GALNT18: variants seen among roughly 807,000 people sequenced by gnomAD.
GALNT18 encodes the protein polypeptide N-acetylgalactosaminyltransferase 18, also known as GalNAc-transferase 18.
A neutral mutation model predicts 69.5 loss-of-function variants in GALNT18; 44 were observed. The ratio of observed to expected loss-of-function variants is 0.63; its 90% confidence interval spans 0.50 to 0.81. The LOEUF (loss-of-function observed/expected upper bound fraction) is 0.81. GALNT18 is among the 40% of genes least tolerant of loss of function. The probability of loss-of-function intolerance (pLI) is 0.00; values close to 1 mark genes in which losing one functional copy is unlikely to be tolerated. For missense variants in GALNT18, 715 were observed against 810.0 expected (o/e 0.88, Z 1.42); for synonymous variants, 364 against 318.2 (o/e 1.14, Z -1.53).
chr11:11,288,308 C>T (rs1206166935), intron 10 of GALNT18, among the ~76,000 whole-genome samples: 1 of 152,150 alleles, frequency 6.6e-6, no homozygotes, highest in Non-Finnish European at 1.5e-5. Flanking sequence ...CTAAAATATG[C>T]TCAGCTATTT....
At chr11:11,418,626 G>A (rs754437522) in intron 3 of GALNT18, among the ~76,000 whole-genome samples, 1 of 152,180 alleles carries the variant, frequency 6.6e-6, no homozygotes, top group Non-Finnish European at 1.5e-5. Flanking sequence ...TGTGTGCTTT[G>A]CTTATTTGAG....
intron 10 of GALNT18, among the ~76,000 whole-genome samples, chr11:11,277,611 T>G (rs935136876): frequency 3.3e-5 from 5 of 152,208 alleles, no homozygotes; most frequent in African/African-American, 1.2e-4. Flanking sequence ...ATTTTAGATC[T>G]TTCCTGCTTT....
chr11:11,280,367 C>T (rs542423994), intron 10 of GALNT18, among the ~76,000 whole-genome samples: 36 of 152,276 alleles, frequency 2.4e-4, no homozygotes, highest in African/African-American at 8.7e-4. Context: ...TGCCTAATGG[C>T]CTCTGTGGCC....
intron 3 of GALNT18, among the ~76,000 whole-genome samples, chr11:11,384,030 C>G (rs1853990120): frequency 6.6e-6 from 1 of 152,010 alleles, no homozygotes; most frequent in South Asian, 2.1e-4. Flanking sequence ...TAGACTAATA[C>G]ACTTACTATT....
chr11:11,530,329 C>T (rs1429356398), intron 1 of GALNT18, among the ~76,000 whole-genome samples: 2 of 152,188 alleles, frequency 1.3e-5, no homozygotes, highest in African/African-American at 4.8e-5. Flanking sequence ...CAGTCCTCTT[C>T]CCTGGGCTGC....
chr11:11,504,072 G>A (rs1327232094), intron 1 of GALNT18, among the ~76,000 whole-genome samples: 1 of 152,212 alleles, frequency 6.6e-6, no homozygotes, highest in South Asian at 2.1e-4. Flanking sequence ...CACTGAATAG[G>A]TTTCCTTCTA....
chr11:11,333,203 TGA>T (rs1390209912), intron 7 of GALNT18, among the ~76,000 whole-genome samples: 1 of 151,302 alleles, frequency 6.6e-6, no homozygotes, highest in African/African-American at 2.4e-5. Flanking sequence ...AGCTTTAAGG[TGA>T]GAGAGAGGGG....
intron 8 of GALNT18, among the ~76,000 whole-genome samples, chr11:11,331,415 G>A (rs578049955): frequency 1.3e-5 from 2 of 152,256 alleles, no homozygotes; most frequent in South Asian, 4.1e-4. Context: ...TGGAATCCTA[G>A]GATGTATATG....
At chr11:11,333,104 G>C in intron 7 of GALNT18, among the ~76,000 whole-genome samples, 1 of 128,014 alleles carries the variant, frequency 7.8e-6, no homozygotes, top group Non-Finnish European at 1.8e-5. Flanking sequence ...AAAAAAAAAA[G>C]CTATAGTCTG....
At chr11:11,493,267 C>CA (rs142149447) in intron 1 of GALNT18, among the ~76,000 whole-genome samples, 15 of 71,336 alleles carry the variant, frequency 2.1e-4, no homozygotes, top group African/African-American at 6.9e-4. Context: ...TCCTTCATCT[C>CA]AAAAAAAAAA....
chr11:11,377,219 C>T lies in GALNT18; in HGVS notation c.940G>A (p.Ala314Thr). 6.2e-7 allele frequency: 1 copy of T among 1,613,602 alleles called. No individual in the cohort carries two copies. Among genetic ancestry groups the T allele is most frequent in the Non-Finnish European group, 8.5e-7 (1 of 1,180,020 alleles). The change falls in exon 5 of 11, where the codon GCC (alanine) becomes ACC (threonine). Residue 314 changes from alanine to threonine, a missense_variant. Coordinates refer to ENST00000227756, the MANE Select transcript of GALNT18 (RefSeq NM_198516.3). The surrounding 1 kb of genome is among the most constrained non-coding windows in gnomAD (Gnocchi z 4.6). ...LWCRYLNPPK[A>T]WWKLENSTAP... ...GTGGAGTTCTCCAGCTTCCACCAGG[C>T]CTTGGGGGGATTTAGGTAGCGGCAC...
At chr11:11,311,589 G>A (rs1475953611) in intron 9 of GALNT18, among the ~76,000 whole-genome samples, 4 of 152,144 alleles carry the variant, frequency 2.6e-5, no homozygotes, top group Admixed American at 1.3e-4. Context: ...GCATGACTTG[G>A]TGGCAGGAGA....
At chr11:11,441,277 T>A (rs1160394145) in intron 2 of GALNT18, among the ~76,000 whole-genome samples, 1 of 152,174 alleles carries the variant, frequency 6.6e-6, no homozygotes, top group Non-Finnish European at 1.5e-5. Flanking sequence ...AGTTAAAGAG[T>A]AATTCCCCTT....
intron 10 of GALNT18, among the ~76,000 whole-genome samples, chr11:11,272,011 ACTGTCTGAG>A (rs1848838017): frequency 6.6e-6 from 1 of 151,448 alleles, no homozygotes; most frequent in Non-Finnish European, 1.5e-5. Context: ...GGCAGCCTGG[ACTGTCTGAG>A]CATCTCTGAG....
intron 8 of GALNT18, among the ~76,000 whole-genome samples, chr11:11,328,950 T>G (rs1230591899): frequency 6.6e-6 from 1 of 152,130 alleles, no homozygotes; most frequent in African/African-American, 2.4e-5. Flanking sequence ...TGGGTGTCTT[T>G]TGATAAAGTC....
intron 10 of GALNT18, among the ~76,000 whole-genome samples, chr11:11,279,156 A>G (rs982340303): frequency 6.6e-6 from 1 of 151,322 alleles, no homozygotes; most frequent in South Asian, 2.1e-4. Context: ...TCCTCTCACC[A>G]CTCTCTCTCC....
At position 11,591,227 on chromosome 11, in the gene GALNT18, G is replaced by A. The variant is rs750480819; in HGVS notation, c.235+30132C>T. The stretch of plus-strand genomic sequence containing the variant: ...TTAAGGCCTTTTTAAGGCTTTGTAA[G>A]GCTTAAAAGCTAAGACACACATACA... On this transcript the variant is annotated intron_variant, in intron 1 of 10. Coordinates refer to ENST00000227756, the MANE Select transcript of GALNT18 (RefSeq NM_198516.3). The surrounding 1 kb of genome is among the most constrained non-coding windows in gnomAD (Gnocchi z 4.8). 1.1e-4 allele frequency among the ~76,000 whole-genome samples: 17 copies of A among 151,746 alleles called. No individual in the cohort carries two copies. The highest frequency in any genetic ancestry group is 2.2e-4 in the Non-Finnish European group (15 of 67,960).
chr11:11,308,212 A>C (rs1229527772), intron 9 of GALNT18, among the ~76,000 whole-genome samples: 1 of 152,204 alleles, frequency 6.6e-6, no homozygotes, highest in Non-Finnish European at 1.5e-5. Flanking sequence ...GGCAGGAAGA[A>C]CCTCGCCGTG....
At chr11:11,378,346 C>T (rs756607863) in intron 4 of GALNT18, among the ~76,000 whole-genome samples, 2 of 152,192 alleles carry the variant, frequency 1.3e-5, no homozygotes, top group Non-Finnish European at 2.9e-5. Context: ...TGGCCACCTA[C>T]TTGCCCCAGC....
Sources: gnomAD v4.1 joint callset for allele counts (sites outside exome capture counted in the v4.1 genomes callset) on GRCh38, gnomAD v4.1.1 for gene constraint, Gnocchi (gnomAD v3.1) non-coding constraint, MANE v1.5 for transcripts, NCBI Gene and HGNC (gene_info 2026-07-23, HGNC 2026-07-21) for gene names.